Variants in RBFOX1 observed in about 807,000 individuals in gnomAD.
RBFOX1 encodes RNA binding fox-1 homolog 1.
In RBFOX1, 8 loss-of-function variants were observed where a neutral mutation model predicts 57.7. The ratio of observed to expected loss-of-function variants is 0.14; its 90% CI spans 0.08 to 0.25. RBFOX1 has a LOEUF of 0.25. Ranked by LOEUF, RBFOX1 falls within the 10% of genes least tolerant of loss-of-function variation. The pLI is 1.00. For synonymous variants in RBFOX1, 326 were observed against 222.4 expected, an observed-to-expected ratio of 1.47 and a Z score of -4.15; for missense variants, 611 against 548.5, an observed-to-expected ratio of 1.11 and a Z score of -1.14.
chr16:6,962,023 G>T (rs533683601), intron 3 of RBFOX1, among the ~76,000 whole-genome samples: 1 of 152,206 alleles, frequency 6.6e-6, no homozygotes, highest in African/African-American at 2.4e-5. Context: ...ATTTTACCCA[G>T]CCCCTATTCA....
chr16:5,244,860 C>G (rs1322357382), intron 1 of RBFOX1, among the ~76,000 whole-genome samples: 2 of 152,226 alleles, frequency 1.3e-5, no homozygotes, highest in East Asian at 3.8e-4. Context: ...ACACACTGGA[C>G]ATTTCAAGCC....
intron 14 of RBFOX1, among the ~76,000 whole-genome samples, chr16:7,702,934 C>T (rs2081245898): frequency 6.6e-6 from 1 of 152,200 alleles, no homozygotes; most frequent in South Asian, 2.1e-4. Flanking sequence ...TCACTTCTTC[C>T]TGGGTGCAGG....
At chr16:7,345,338 G>C (rs2096976720) in intron 4 of RBFOX1, among the ~76,000 whole-genome samples, 1 of 152,180 alleles carries the variant, frequency 6.6e-6, no homozygotes, top group East Asian at 1.9e-4. Context: ...GGGAGGTTTT[G>C]ACAGAACATG....
rs1220236448 is a variant in RBFOX1 at position 6,293,893 on chromosome 16, AG to A, written c.-126-23101del. ...TACACCATCTCAGAATTCCAGGGTG[AG>A]CGGGGGGGTGGTGGAAATAGACGAA... On this transcript the variant is annotated intron_variant, in intron 1 of 15. Coordinates refer to ENST00000550418, the MANE Select transcript of RBFOX1 (RefSeq NM_018723.4). Among the ~76,000 whole-genome samples, 344 of 142,884 alleles carry A rather than the reference AG, an allele frequency of 2.4e-3. 2 individuals carry two copies. The highest frequency in any genetic ancestry group is 2.8e-3 in the Non-Finnish European group (185 of 65,784). The allele number at this position is 142,884 out of a possible 152,430, so 93.7% of individuals were successfully genotyped here.
At chr16:5,806,584 G>A (rs141852336) in intron 3 of RBFOX1, among the ~76,000 whole-genome samples, 1 of 152,216 alleles carries the variant, frequency 6.6e-6, no homozygotes, top group African/African-American at 2.4e-5. Flanking sequence ...AACCTTAGCA[G>A]AGGTGAACAA....
Position 6,019,280 on chromosome 16 carries a change from A to G in RBFOX1, c.-839A>G. ...CCCCAGCCCCCTTCCTGGTCTCCCGAGCGCGGGGTTTGAAGGTCACCTCCT... is the reference window on the plus strand; with the variant it reads ...CCCCAGCCCCCTTCCTGGTCTCCCGGGCGCGGGGTTTGAAGGTCACCTCCT... On this transcript the variant is annotated 5_prime_UTR_variant, in exon 1 of 16. Transcript: ENST00000550418. The surrounding 1 kb of genome is among the most constrained non-coding windows in gnomAD (Gnocchi z 4.2). 2 of 984,364 alleles carry G rather than the reference A, an allele frequency of 2.0e-6. No individual in the cohort carries two copies. Among genetic ancestry groups the G allele is most frequent in the Non-Finnish European group, 1.2e-6 (1 of 829,822 alleles). The allele number at this position is 984,364 out of a possible 1,614,324, so 61.0% of individuals were successfully genotyped here. A position where few individuals can be genotyped will look rare whatever the true frequency, so the allele number is the denominator to read the frequency against.
intron 4 of RBFOX1, among the ~76,000 whole-genome samples, chr16:7,413,161 G>A (rs2098446168): frequency 6.6e-6 from 1 of 152,198 alleles, no homozygotes; most frequent in African/African-American, 2.4e-5. Context: ...AAGCCTCCCT[G>A]ATGACAATTC....
intron 4 of RBFOX1, among the ~76,000 whole-genome samples, chr16:7,235,201 A>G (rs1345313690): frequency 6.6e-6 from 1 of 152,198 alleles, no homozygotes; most frequent in Non-Finnish European, 1.5e-5. Flanking sequence ...AAATGTTGAC[A>G]TTCCTTAGAA....
chr16:6,997,270 T>TA lies in RBFOX1; in HGVS notation c.-15-54779dup, dbSNP rs200434502. Among the ~76,000 whole-genome samples the TA allele has an allele frequency of 3.0e-3, 450 of 151,916 alleles. 5 individuals are homozygous for TA. The highest frequency in any genetic ancestry group is 9.5e-3 in the African/African-American group (395 of 41,462). ...GATTTGACTCAACTTCTCCTTCTAG[T>TA]AAAAAAAAGTCTGCCACCAATACAT... On this transcript the variant is annotated intron_variant, in intron 3 of 15. Transcript: ENST00000550418.
chr16:6,203,980 C>CTTTTTT (rs60829829), intron 1 of RBFOX1, among the ~76,000 whole-genome samples: 1 of 137,728 alleles, frequency 7.3e-6, no homozygotes, highest in Admixed American at 7.3e-5. Flanking sequence ...TGTTTTGTTT[C>CTTTTTT]TTTTTTTTTT....
At chr16:6,493,737 T>C (rs146012823) in intron 2 of RBFOX1, among the ~76,000 whole-genome samples, 2 of 152,284 alleles carry the variant, frequency 1.3e-5, no homozygotes, top group East Asian at 3.9e-4. Context: ...CTCAGAATAA[T>C]AAAACACTTC....
At chr16:5,853,968 C>T (rs956280202) in intron 3 of RBFOX1, among the ~76,000 whole-genome samples, 1 of 152,204 alleles carries the variant, frequency 6.6e-6, no homozygotes, top group East Asian at 1.9e-4. Context: ...GTTTTAATTA[C>T]AAACTAATCC....
intron 3 of RBFOX1, among the ~76,000 whole-genome samples, chr16:7,028,470 C>G (rs1394562575): frequency 6.6e-6 from 1 of 151,532 alleles, no homozygotes; most frequent in African/African-American, 2.4e-5. Context: ...GCCTGTAATC[C>G]CAGCTCCTTG....
At position 6,512,283 on chromosome 16, in the gene RBFOX1, C is replaced by CAAAAAAAAAAAAAAAAAAAAAAA. The variant is rs565248640; in HGVS notation, c.-63-142304_-63-142303insAAAAAAAAAAAAAAAAAAAAAAA. Among the ~76,000 whole-genome samples the CAAAAAAAAAAAAAAAAAAAAAAA allele has an allele frequency of 1.9e-3, 166 of 86,876 alleles. 5 individuals are homozygous for CAAAAAAAAAAAAAAAAAAAAAAA. The highest frequency in any genetic ancestry group is 6.6e-3 in the African/African-American group (132 of 20,092). 57.0% of individuals were successfully genotyped at this position (86,876 alleles called of 152,430 possible). Reference sequence around the variant, plus strand: ...TGGGTAACAGAGCAAGACCCTGTATCAAAAAAAAAAAAAAAAGGTAAGAGA... The same window carrying CAAAAAAAAAAAAAAAAAAAAAAA: ...TGGGTAACAGAGCAAGACCCTGTATCAAAAAAAAAAAAAAAAAAAAAAAAAAAAAAAAAAAAAAAGGTAAGAGA... On this transcript the variant is annotated intron_variant, in intron 2 of 15. Transcript: ENST00000550418.
At chr16:6,660,036 C>T (rs534398005) in intron 3 of RBFOX1, among the ~76,000 whole-genome samples, 1 of 151,780 alleles carries the variant, frequency 6.6e-6, no homozygotes, top group African/African-American at 2.4e-5. Context: ...ACCACCATGG[C>T]CAACATAGTG....
At chr16:5,801,383 T>G (rs532662784) in intron 3 of RBFOX1, among the ~76,000 whole-genome samples, 6 of 151,560 alleles carry the variant, frequency 4.0e-5, no homozygotes, top group African/African-American at 1.5e-4. Context: ...TAAAATTGTC[T>G]GCATTAAAAC....
At chr16:7,686,127 C>G (rs929542207) in intron 14 of RBFOX1, among the ~76,000 whole-genome samples, 1 of 151,542 alleles carries the variant, frequency 6.6e-6, no homozygotes, top group Non-Finnish European at 1.5e-5. Flanking sequence ...ACTTAGTTCT[C>G]AGGATATTAG....
chr16:7,108,393 G>C (rs1362625206), intron 4 of RBFOX1, among the ~76,000 whole-genome samples: 1 of 152,186 alleles, frequency 6.6e-6, no homozygotes, highest in Non-Finnish European at 1.5e-5. Context: ...ACAAGTTGAA[G>C]TGTAATGCAA....
intron 3 of RBFOX1, among the ~76,000 whole-genome samples, chr16:5,615,571 T>G (rs1371104215): frequency 6.6e-6 from 1 of 152,214 alleles, no homozygotes; most frequent in Non-Finnish European, 1.5e-5. Context: ...GAAGATGTGG[T>G]GGGAGTCCCA....
Sources: allele counts gnomAD v4.1 joint callset (sites outside exome capture counted in the v4.1 genomes callset), GRCh38; gene constraint gnomAD v4.1.1; non-coding constraint Gnocchi (gnomAD v3.1); transcripts MANE v1.5; gene names NCBI Gene and HGNC (gene_info 2026-07-23, HGNC 2026-07-21).